PPP1R36: variants seen among roughly 807,000 people sequenced by gnomAD.
PPP1R36 encodes the protein protein phosphatase 1 regulatory subunit 36.
A neutral mutation model predicts 53.4 loss-of-function variants in PPP1R36; 47 were observed. The ratio of observed to expected loss-of-function variants is 0.88; its 90% confidence interval spans 0.70 to 1.12. The LOEUF (loss-of-function observed/expected upper bound fraction) is 1.12, where lower values mean the gene tolerates loss of function less well. PPP1R36 is among the 50% of genes most tolerant of loss of function. PPP1R36 has a pLI of 0.00. For synonymous variants in PPP1R36, 153 were observed against 170.5 expected, an observed-to-expected ratio of 0.90 and a Z score of 0.80; for missense variants, 456 against 513.9, an observed-to-expected ratio of 0.89 and a Z score of 1.09.
At chr14:64,571,216 C>T (rs2080300880) in intron 7 of PPP1R36, among the ~76,000 whole-genome samples, 1 of 152,148 alleles carries the variant, frequency 6.6e-6, no homozygotes, top group South Asian at 2.1e-4. Flanking sequence ...ACCTCTGCCT[C>T]CCGGGTTCAA....
At chr14:64,577,314 A>G (rs2080350201) in intron 8 of PPP1R36, among the ~76,000 whole-genome samples, 1 of 152,134 alleles carries the variant, frequency 6.6e-6, no homozygotes, top group African/African-American at 2.4e-5. Flanking sequence ...ATTTTGGGGG[A>G]ACACAAACAT....
At position 64,588,146 on chromosome 14, in the gene PPP1R36, C is replaced by T. The variant is rs774934716; in HGVS notation, c.933C>T (p.Asn311=). ...AKRPAIKKAI[N]MRSPVMSTLL... ...GCCCAGCAATTAAAAAAGCTATCAA[C>T]ATGCGTTCTCCAGTCATGTCTACTC... Residue 311 remains asparagine (N), a synonymous_variant, in exon 11 of 12, where the codon AAC becomes AAT. Coordinates refer to ENST00000298705, the MANE Select transcript of PPP1R36 (RefSeq NM_172365.3). 1.2e-6 allele frequency: 2 copies of T among 1,611,222 alleles called. No homozygotes were observed. The highest frequency in any genetic ancestry group is 1.7e-6 in the Non-Finnish European group (2 of 1,178,396).
At chr14:64,550,107 C>G in intron 1 of PPP1R36, 41 bp downstream of exon 1, 1 of 1,543,674 alleles carries the variant, frequency 6.5e-7, no homozygotes, top group Non-Finnish European at 8.8e-7. Flanking sequence ...GGGCTGGGCG[C>G]AAGGCGGGCC....
intron 3 of PPP1R36, among the ~76,000 whole-genome samples, chr14:64,557,573 T>C (rs1256908890): frequency 1.3e-5 from 2 of 152,240 alleles, no homozygotes; most frequent in African/African-American, 4.8e-5. Context: ...TAAGTTTGTT[T>C]CAATCAGTCT....
intron 8 of PPP1R36, among the ~76,000 whole-genome samples, chr14:64,584,589 C>T (rs913413515): frequency 1.3e-5 from 2 of 152,270 alleles, no homozygotes; most frequent in African/African-American, 4.8e-5. Flanking sequence ...TTGTTCAGTA[C>T]GTTTATCTGC....
chr14:64,573,058 G>A (rs2080315360), intron 7 of PPP1R36, among the ~76,000 whole-genome samples: 1 of 152,196 alleles, frequency 6.6e-6, no homozygotes, highest in Non-Finnish European at 1.5e-5. Flanking sequence ...GGTTATATCA[G>A]AAGGGGCAGT....
At chr14:64,577,260 C>T (rs1373716656) in intron 8 of PPP1R36, among the ~76,000 whole-genome samples, 8 of 152,212 alleles carry the variant, frequency 5.3e-5, no homozygotes, top group African/African-American at 1.2e-4. Context: ...AAAGGCCTCA[C>T]ATCCTGAGAC....
At chr14:64,554,293 T>A (rs533692611) in intron 3 of PPP1R36, among the ~76,000 whole-genome samples, 15 of 151,910 alleles carry the variant, frequency 9.9e-5, no homozygotes, top group Non-Finnish European at 2.1e-4. Context: ...CTGGGATTAC[T>A]GGCATGTGCC....
chr14:64,565,147 A>G (rs150819167), intron 4 of PPP1R36, among the ~76,000 whole-genome samples: 1 of 152,222 alleles, frequency 6.6e-6, no homozygotes, highest in African/African-American at 2.4e-5. Flanking sequence ...CTTACATTTT[A>G]TATCAGGCAG....
intron 3 of PPP1R36, 154 bp downstream of exon 3, chr14:64,553,015 A>G: frequency 3.5e-6 from 2 of 573,788 alleles, no homozygotes; most frequent in Non-Finnish European, 6.2e-6. Flanking sequence ...CCTGTTGCCC[A>G]GGCTGGTGGA....
chr14:64,560,454 AAAAG>A (rs1278011074), intron 3 of PPP1R36, among the ~76,000 whole-genome samples: 1 of 151,664 alleles, frequency 6.6e-6, no homozygotes, highest in Non-Finnish European at 1.5e-5. Context: ...AAAAAAAAAA[AAAAG>A]AAAGATGACT....
intron 11 of PPP1R36, chr14:64,588,531 C>A: frequency 5.5e-6 from 2 of 361,168 alleles, no homozygotes; most frequent in East Asian, 4.2e-5. Flanking sequence ...CCAAATAGTT[C>A]TAGTTTGGAG....
At position 64,589,380 on chromosome 14, in the gene PPP1R36, T is replaced by C. The variant is rs1398461927; in HGVS notation, c.*42T>C. On this transcript the variant is annotated 3_prime_UTR_variant, in exon 12 of 12. Coordinates refer to ENST00000298705, the MANE Select transcript of PPP1R36 (RefSeq NM_172365.3). ...TCTCAAGTAAACTACTTTGACTTTA[T>C]AGAAGATGGTTATTCGTTGTTATTA... The C allele has an allele frequency of 3.6e-6, 5 of 1,397,368 alleles. No homozygotes were observed. Among genetic ancestry groups the C allele is most frequent in the Non-Finnish European group, 4.9e-6 (5 of 1,018,542 alleles). The allele number at this position is 1,397,368 out of a possible 1,614,324, so 86.6% of individuals were successfully genotyped here.
At chr14:64,553,570 T>C (rs1430705525) in intron 3 of PPP1R36, among the ~76,000 whole-genome samples, 1 of 152,122 alleles carries the variant, frequency 6.6e-6, no homozygotes, top group Non-Finnish European at 1.5e-5. Flanking sequence ...TACTGCATGA[T>C]TACATTTGTA....
intron 4 of PPP1R36, 117 bp from the exon 5 acceptor site, chr14:64,565,240 A>G: frequency 3.0e-6 from 2 of 656,230 alleles, no homozygotes; most frequent in Non-Finnish European, 5.2e-6. Flanking sequence ...AACAAAACCC[A>G]TGTATGACAC....
At chr14:64,570,754 A>G (rs1254333228) in intron 7 of PPP1R36, among the ~76,000 whole-genome samples, 1 of 152,228 alleles carries the variant, frequency 6.6e-6, no homozygotes, top group African/African-American at 2.4e-5. Context: ...GAAAGCCTAC[A>G]GCCGTGAGAG....
chr14:64,564,020 A>C (rs1047485813), intron 3 of PPP1R36, among the ~76,000 whole-genome samples: 1 of 152,212 alleles, frequency 6.6e-6, no homozygotes, highest in Non-Finnish European at 1.5e-5. Flanking sequence ...GCAATTCCTA[A>C]CACATAGCAG....
At chr14:64,558,707 C>T (rs898128688) in intron 3 of PPP1R36, among the ~76,000 whole-genome samples, 1 of 150,988 alleles carries the variant, frequency 6.6e-6, no homozygotes, top group Non-Finnish European at 1.5e-5. Context: ...GTAATCTCGG[C>T]TCACTGCAAC....
At chr14:64,563,632 G>C (rs1224198726) in intron 3 of PPP1R36, among the ~76,000 whole-genome samples, 3 of 152,108 alleles carry the variant, frequency 2.0e-5, no homozygotes, top group Non-Finnish European at 4.4e-5. Context: ...TCATGGGGAG[G>C]TATTTAACAA....
Sources: allele counts gnomAD v4.1 joint callset (sites outside exome capture counted in the v4.1 genomes callset), GRCh38; gene constraint gnomAD v4.1.1; transcripts MANE v1.5; gene names NCBI Gene and HGNC (gene_info 2026-07-23, HGNC 2026-07-21).